The following PTK7 variants were observed in gnomAD, a reference collection of about 807,000 sequenced individuals.
PTK7 encodes the protein protein tyrosine kinase 7 (inactive).
In PTK7, 39 loss-of-function variants were observed where a neutral mutation model predicts 116.6. That is an observed-to-expected ratio of 0.33 (90% CI 0.26 to 0.44). The LOEUF (loss-of-function observed/expected upper bound fraction) is 0.44, where lower values mean the gene tolerates loss of function less well. Ranked by LOEUF, PTK7 falls within the 20% of genes least tolerant of loss-of-function variation. The probability of loss-of-function intolerance (pLI) is 1.00; values close to 1 mark genes in which losing one functional copy is unlikely to be tolerated. For synonymous variants in PTK7, 546 were observed against 563.6 expected, an observed-to-expected ratio of 0.97 and a Z score of 0.44; for missense variants, 1,169 against 1,425.6, an observed-to-expected ratio of 0.82 and a Z score of 2.90.
intron 17 of PTK7, among the ~76,000 whole-genome samples, chr6:43,152,665 A>T (rs1470062864): frequency 1.3e-5 from 2 of 152,200 alleles, no homozygotes; most frequent in African/African-American, 4.8e-5. Context: ...TATAGTTGTC[A>T]CTAGCTTCAT....
chr6:43,146,514 C>CAA (rs1438776239), intron 16 of PTK7, 104 bp from the exon 17 acceptor site: 3 of 1,093,980 alleles, frequency 2.7e-6, no homozygotes, highest in Non-Finnish European at 4.1e-6. Context: ...TAGGCCTTCT[C>CAA]ACTGCCTCCC....
intron 1 of PTK7, among the ~76,000 whole-genome samples, chr6:43,120,454 T>G (rs1307386266): frequency 6.6e-6 from 1 of 152,224 alleles, no homozygotes; most frequent in Non-Finnish European, 1.5e-5. Context: ...CCGGGGAGGC[T>G]GCACGGGGCT....
chr6:43,125,105 G>A (rs1769210663), intron 1 of PTK7, among the ~76,000 whole-genome samples: 1 of 151,982 alleles, frequency 6.6e-6, no homozygotes, highest in South Asian at 2.1e-4. Context: ...CCGGGAAGCG[G>A]AGGTTGCCGT....
intron 1 of PTK7, among the ~76,000 whole-genome samples, chr6:43,110,153 T>C (rs1768115590): frequency 6.6e-6 from 1 of 151,726 alleles, no homozygotes; most frequent in Non-Finnish European, 1.5e-5. Flanking sequence ...CGCAACACCA[T>C]GCCCAGCTAA....
intron 17 of PTK7, among the ~76,000 whole-genome samples, chr6:43,153,309 C>T (rs1427445708): frequency 6.6e-6 from 1 of 151,348 alleles, no homozygotes; most frequent in East Asian, 2.0e-4. Context: ...GAGAGGGTTT[C>T]ACTGTGCGTT....
At chr6:43,144,880 T>C in intron 15 of PTK7, 1 of 424,700 alleles carries the variant, frequency 2.4e-6, no homozygotes, top group Non-Finnish European at 4.1e-6. Flanking sequence ...GTTACCATTG[T>C]TCTAGGAAAA....
chr6:43,099,950 C>T (rs920820406), intron 1 of PTK7, among the ~76,000 whole-genome samples: 5 of 152,052 alleles, frequency 3.3e-5, no homozygotes, highest in East Asian at 1.9e-4. Context: ...TGCAATGGCA[C>T]GATTCTCCTG....
chr6:43,126,157 A>G (rs1769273907), intron 1 of PTK7, among the ~76,000 whole-genome samples: 1 of 151,986 alleles, frequency 6.6e-6, no homozygotes, highest in Admixed American at 6.6e-5. Context: ...CTGTCTCCAC[A>G]AAAAATACAA....
At chr6:43,119,903 C>T (rs1768859265) in intron 1 of PTK7, among the ~76,000 whole-genome samples, 1 of 152,190 alleles carries the variant, frequency 6.6e-6, no homozygotes, top group Non-Finnish European at 1.5e-5. Flanking sequence ...CCAGGTCCTC[C>T]TTCCTGCATT....
At position 43,076,928 on chromosome 6, in the gene PTK7, C is replaced by T; in HGVS notation, c.79+361C>T. The stretch of plus-strand genomic sequence containing the variant: ...GGGAGAAAAGACCATCCGCACCCAC[C>T]GTGGGGAGCGCGATGGAGAAAAAGG... On this transcript the variant is annotated intron_variant, in intron 1 of 19. Transcript: ENST00000230419. This position sits in a 1 kb window ranked among gnomAD's most constrained non-coding sequence, Gnocchi z 5.7. 6.6e-7 allele frequency: 1 copy of T among 1,515,130 alleles called. No homozygotes were observed. The highest frequency in any genetic ancestry group is 1.2e-5 in the South Asian group (1 of 82,484). 93.9% of individuals were successfully genotyped at this position (1,515,130 alleles called of 1,614,324 possible).
At chr6:43,116,746 G>A (rs1270561570) in intron 1 of PTK7, among the ~76,000 whole-genome samples, 2 of 152,144 alleles carry the variant, frequency 1.3e-5, no homozygotes, top group Non-Finnish European at 2.9e-5. Context: ...GGGTGAGTAG[G>A]TGATAGAGGC....
chr6:43,080,941 CA>C lies in PTK7; in HGVS notation c.79+4386del, dbSNP rs746710721. Among the ~76,000 whole-genome samples, 553 of 130,106 alleles carry C rather than the reference CA, an allele frequency of 4.3e-3. 2 individuals are homozygous for C. Among genetic ancestry groups the C allele is most frequent in the African/African-American group, 0.014 (437 of 32,302 alleles). The allele number at this position is 130,106 out of a possible 152,430, so 85.4% of individuals were successfully genotyped here. A position where few individuals can be genotyped will look rare whatever the true frequency, so the allele number is the denominator to read the frequency against. On this transcript the variant is annotated intron_variant, in intron 1 of 19. Transcript: ENST00000230419. Reference sequence around the variant, plus strand: ...TGGGCGACGGAACGAGACTCCGTCTCAAAAAAAAAAAATACACACACACACA... The same window carrying C: ...TGGGCGACGGAACGAGACTCCGTCTCAAAAAAAAAAATACACACACACACA...
rs759965386 is a variant in PTK7 at position 43,160,845 on chromosome 6, C to T, written c.3177C>T (p.Ser1059=). ...GGCCCTCCTTCAGTGAGATTGCCAG[C>T]GCCCTGGGAGACAGCACCGTGGACA... ...KDRPSFSEIA[S]ALGDSTVDSK... Residue 1059 remains serine, a synonymous_variant, in exon 20 of 20, where the codon AGC becomes AGT. Transcript: ENST00000230419. The T allele has an allele frequency of 1.9e-5, 30 of 1,613,978 alleles. No individual in the cohort carries two copies. Among genetic ancestry groups the T allele is most frequent in the East Asian group, 2.2e-5 (1 of 44,886 alleles).
intron 1 of PTK7, among the ~76,000 whole-genome samples, chr6:43,084,737 G>T (rs1360445975): frequency 6.6e-6 from 1 of 152,174 alleles, no homozygotes; most frequent in Non-Finnish European, 1.5e-5. Context: ...TAGAATAGAA[G>T]AACATTCTAG....
chr6:43,143,895 T>C lies in PTK7; in HGVS notation c.2251+275T>C, dbSNP rs1445447919. Reference sequence around the variant, plus strand: ...TCCTCCCAGCACAAAACCACAGATATCATTAGTATATGTACACACGTTGCT... The same window carrying C: ...TCCTCCCAGCACAAAACCACAGATACCATTAGTATATGTACACACGTTGCT... On this transcript the variant is annotated intron_variant, in intron 14 of 19. Transcript: ENST00000230419. This position sits in a 1 kb window ranked among gnomAD's most constrained non-coding sequence, Gnocchi z 4.2. Among the ~76,000 whole-genome samples the C allele has an allele frequency of 6.6e-6, 1 of 152,176 alleles. No homozygotes were observed. Among genetic ancestry groups the C allele is most frequent in the Non-Finnish European group, 1.5e-5 (1 of 68,018 alleles).
Position 43,139,560 on chromosome 6 carries a change from A to T in PTK7, c.1618+35A>T. 6.2e-7 allele frequency: 1 copy of T among 1,612,314 alleles called. No individual in the cohort carries two copies. Among genetic ancestry groups the T allele is most frequent in the Non-Finnish European group, 8.5e-7 (1 of 1,179,510 alleles). On this transcript the variant is annotated intron_variant, in intron 10 of 19. Transcript: ENST00000230419. This position sits in a 1 kb window ranked among gnomAD's most constrained non-coding sequence, Gnocchi z 4.6. Reference sequence around the variant, plus strand: ...GTGCCGGCATAGGGTAGGGGCAGGCAGGCAGTTCACTGATCAGATACATAC... The same window carrying T: ...GTGCCGGCATAGGGTAGGGGCAGGCTGGCAGTTCACTGATCAGATACATAC...
At chr6:43,095,685 G>A (rs1767213011) in intron 1 of PTK7, among the ~76,000 whole-genome samples, 1 of 152,148 alleles carries the variant, frequency 6.6e-6, no homozygotes, top group Admixed American at 6.5e-5. Context: ...AATAGATGGT[G>A]TGCCTTAAAT....
chr6:43,101,225 A>AAAAAGAAAGAAAGAAAGAAAG (rs530253569), intron 1 of PTK7, among the ~76,000 whole-genome samples: 1 of 146,256 alleles, frequency 6.8e-6, no homozygotes, highest in Non-Finnish European at 1.5e-5. Flanking sequence ...CAAAAAAAAA[A>AAAAAGAAAGAAAGAAAGAAAG]AAAGAAAGAA....
At chr6:43,112,579 A>G (rs982624403) in intron 1 of PTK7, among the ~76,000 whole-genome samples, 1 of 151,796 alleles carries the variant, frequency 6.6e-6, no homozygotes, top group Non-Finnish European at 1.5e-5. Context: ...ACACCTGGCT[A>G]ATTTTTGTAT....
Sources: allele counts gnomAD v4.1 joint callset (sites outside exome capture counted in the v4.1 genomes callset), GRCh38; gene constraint gnomAD v4.1.1; non-coding constraint Gnocchi (gnomAD v3.1); transcripts MANE v1.5; gene names NCBI Gene and HGNC (gene_info 2026-07-23, HGNC 2026-07-21).